OSBPL10: variants seen among roughly 807,000 people sequenced by gnomAD.
The protein encoded by OSBPL10 is oxysterol-binding protein-related protein 10.
In OSBPL10, 49 loss-of-function variants were observed where a neutral mutation model predicts 81.7. That is an observed-to-expected ratio of 0.60 (90% confidence interval 0.48 to 0.76). The LOEUF is 0.76. OSBPL10 is among the 30% of genes least tolerant of loss of function. The probability of loss-of-function intolerance (pLI) is 0.00; values close to 1 mark genes in which losing one functional copy is unlikely to be tolerated. For synonymous variants in OSBPL10, 419 were observed against 383.6 expected, an observed-to-expected ratio of 1.09 and a Z score of -1.08; for missense variants, 923 against 987.8, an observed-to-expected ratio of 0.93 and a Z score of 0.88.
chr3:31,982,923 G>C (rs944571233), upstream of OSBPL10, among the ~76,000 whole-genome samples: 1 of 152,234 alleles, frequency 6.6e-6, no homozygotes, highest in Admixed American at 6.5e-5. Context: ...GTGAACAGAA[G>C]TAATGAATGC....
chr3:31,756,572 T>C (rs1697895786), intron 4 of OSBPL10, among the ~76,000 whole-genome samples: 1 of 152,268 alleles, frequency 6.6e-6, no homozygotes, highest in Non-Finnish European at 1.5e-5. Flanking sequence ...TATTATTTTA[T>C]CTTAAAAACA....
At chr3:31,733,785 G>A (rs1000173067) in intron 5 of OSBPL10, among the ~76,000 whole-genome samples, 29 of 149,364 alleles carry the variant, frequency 1.9e-4, no homozygotes, top group African/African-American at 4.9e-4. Flanking sequence ...AGGCCGAGGC[G>A]GGTAGATCAT....
At chr3:31,751,048 G>C (rs1418853481) in intron 4 of OSBPL10, among the ~76,000 whole-genome samples, 2 of 152,138 alleles carry the variant, frequency 1.3e-5, no homozygotes, top group African/African-American at 4.8e-5. Flanking sequence ...GTTCACGCCT[G>C]TAATCCCAGC....
At chr3:32,073,126 C>T (rs1699843959) in intron 1 of OSBPL10, among the ~76,000 whole-genome samples, 1 of 152,148 alleles carries the variant, frequency 6.6e-6, no homozygotes, top group African/African-American at 2.4e-5. Context: ...CGAGCCTGTC[C>T]TCGAGACGCT....
chr3:32,049,506 T>C (rs1348355413), intron 1 of OSBPL10, among the ~76,000 whole-genome samples: 2 of 152,100 alleles, frequency 1.3e-5, no homozygotes, highest in Non-Finnish European at 2.9e-5. Context: ...CTCCTCTTAA[T>C]AAAAGGCAAG....
intron 6 of OSBPL10, chr3:31,733,013 T>G (rs1697026063): frequency 3.7e-6 from 2 of 544,610 alleles, no homozygotes; most frequent in Non-Finnish European, 6.3e-6. Flanking sequence ...TGACTCCCAT[T>G]TCAATGAAAA....
At chr3:31,743,254 T>C (rs1257932997) in intron 5 of OSBPL10, among the ~76,000 whole-genome samples, 1 of 152,022 alleles carries the variant, frequency 6.6e-6, no homozygotes, top group Non-Finnish European at 1.5e-5. Context: ...TTGGTAAGGC[T>C]GGTCAAACTC....
At chr3:32,016,658 G>A (rs540055007) in intron 2 of OSBPL10, among the ~76,000 whole-genome samples, 1 of 152,254 alleles carries the variant, frequency 6.6e-6, no homozygotes, top group African/African-American at 2.4e-5. Context: ...GTTCTCTCTT[G>A]CTGCTTTTGG....
chr3:31,698,064 C>A (rs1423424917), intron 7 of OSBPL10, among the ~76,000 whole-genome samples: 2 of 152,062 alleles, frequency 1.3e-5, no homozygotes, highest in African/African-American at 4.8e-5. Context: ...GCCTGGCCAG[C>A]TTCCTTCTCT....
At chr3:31,801,700 G>C (rs552076960) in intron 4 of OSBPL10, among the ~76,000 whole-genome samples, 1 of 152,200 alleles carries the variant, frequency 6.6e-6, no homozygotes, top group Non-Finnish European at 1.5e-5. Context: ...AAAGAAAGAA[G>C]CCACGAATGC....
intron 1 of OSBPL10, among the ~76,000 whole-genome samples, chr3:31,967,954 AAGGTTTTTGTTTTGAATAG>A: frequency 6.6e-6 from 1 of 152,182 alleles, no homozygotes; most frequent in Non-Finnish European, 1.5e-5. Context: ...TGCACACCCC[AAGGTTTTTGTTTTGAATAG>A]GTCAAGTGAA....
chr3:31,994,196 A>G (rs1201765663), intron 2 of OSBPL10, among the ~76,000 whole-genome samples: 1 of 152,198 alleles, frequency 6.6e-6, no homozygotes, highest in Non-Finnish European at 1.5e-5. Context: ...AACAGAGTTG[A>G]GAGTAGTGAT....
intron 1 of OSBPL10, among the ~76,000 whole-genome samples, chr3:31,935,454 C>T (rs1473643671): frequency 6.6e-6 from 1 of 151,508 alleles, no homozygotes; most frequent in Non-Finnish European, 1.5e-5. Flanking sequence ...TGCAATTCAT[C>T]CTGGGAAATG....
intron 3 of OSBPL10, among the ~76,000 whole-genome samples, chr3:31,842,445 T>C (rs1700523020): frequency 1.3e-5 from 2 of 152,188 alleles, no homozygotes; most frequent in African/African-American, 4.8e-5. Flanking sequence ...CCTGAGCAAG[T>C]TGGCTCTGTG....
intron 4 of OSBPL10, among the ~76,000 whole-genome samples, chr3:31,820,073 T>C (rs1365510156): frequency 6.6e-6 from 1 of 152,132 alleles, no homozygotes; most frequent in African/African-American, 2.4e-5. Flanking sequence ...CTAGTACACC[T>C]CTCTTTGCCT....
rs1575093027 is a variant in OSBPL10 at position 32,052,325 on chromosome 3, A to G, written n.186-5722T>C. Among the ~76,000 whole-genome samples the G allele has an allele frequency of 2.6e-5, 4 of 152,220 alleles. No individual in the cohort carries two copies. In the South Asian group the frequency reaches 8.3e-4, roughly 31 times the overall value. ...TTAGGTCAGAGATTAGATTTGCTAA[A>G]TGCTTTAATGTCATAAACTGCTTCT... On this transcript the variant is annotated intron_variant and non_coding_transcript_variant, in intron 1 of 3. Coordinates refer to the OSBPL10 transcript ENST00000479173.
chr3:31,697,598 T>C (rs1695765050), intron 7 of OSBPL10, among the ~76,000 whole-genome samples: 1 of 152,176 alleles, frequency 6.6e-6, no homozygotes, highest in Non-Finnish European at 1.5e-5. Context: ...TTAATAATAA[T>C]AATTATTCTA....
intron 4 of OSBPL10, among the ~76,000 whole-genome samples, chr3:31,753,849 T>C (rs577424618): frequency 2.0e-5 from 3 of 152,164 alleles, no homozygotes; most frequent in Non-Finnish European, 4.4e-5. Flanking sequence ...GACCTTGCCT[T>C]CCCCGCTTGG....
intron 2 of OSBPL10, among the ~76,000 whole-genome samples, chr3:31,987,535 G>T (rs1698950784): frequency 6.6e-6 from 1 of 152,228 alleles, no homozygotes; most frequent in Admixed American, 6.5e-5. Context: ...CTGAACCAAT[G>T]TTTACTATGC....
Sources: gnomAD v4.1 joint callset for allele counts (sites outside exome capture counted in the v4.1 genomes callset) on GRCh38, gnomAD v4.1.1 for gene constraint, MANE v1.5 for transcripts, NCBI Gene and HGNC (gene_info 2026-07-23, HGNC 2026-07-21) for gene names.